Variants in EPC1 observed in about 807,000 individuals in gnomAD.
The protein encoded by EPC1 is enhancer of polycomb homolog 1.
EPC1 carries 12 observed loss-of-function variants against 98.4 expected under a neutral mutation model. The observed-to-expected ratio is 0.12, with a 90% CI of 0.08 to 0.20. The LOEUF is 0.20. Ranked by LOEUF, EPC1 falls within the 10% of genes least tolerant of loss-of-function variation. The pLI, the probability that EPC1 is intolerant of heterozygous loss-of-function variation, is 1.00. For synonymous variants in EPC1, 357 were observed against 363.9 expected (o/e 0.98, Z 0.21); for missense variants, 729 against 990.5 (o/e 0.74, Z 3.54).
chr10:32,365,729 G>T (rs1250492671), intron 1 of EPC1, among the ~76,000 whole-genome samples: 1 of 147,266 alleles, frequency 6.8e-6, no homozygotes, highest in African/African-American at 2.6e-5. Flanking sequence ...CGAGGCAGGA[G>T]AATCGCTTGA....
At chr10:32,345,294 T>G (rs1838690593) in intron 1 of EPC1, 1 of 985,340 alleles carries the variant, frequency 1.0e-6, no homozygotes, top group Admixed American at 6.1e-5. Flanking sequence ...GGCTTATCTG[T>G]AAAGTTAGAT....
intron 1 of EPC1, among the ~76,000 whole-genome samples, chr10:32,371,049 C>G (rs1839731176): frequency 6.6e-6 from 1 of 152,160 alleles, no homozygotes; most frequent in African/African-American, 2.4e-5. Flanking sequence ...ATAGAAAGGA[C>G]ATGGAATTTG....
chr10:32,347,268 G>T, upstream of EPC1: 1 of 1,079,020 alleles, frequency 9.3e-7, no homozygotes, highest in Non-Finnish European at 1.2e-6. Context: ...CACGAAGCGC[G>T]CGTCCCGCCA....
chr10:32,341,331 C>CTGTGTGTGTGTGTGTG (rs150858943), intron 1 of EPC1, among the ~76,000 whole-genome samples: 3 of 151,064 alleles, frequency 2.0e-5, no homozygotes, highest in African/African-American at 7.3e-5. Flanking sequence ...GTGTGTGTGT[C>CTGTGTGTGTGTGTGTG]TGTGTGTGTG....
chr10:32,353,713 C>A (rs778223747), intron 1 of EPC1, among the ~76,000 whole-genome samples: 2 of 152,180 alleles, frequency 1.3e-5, no homozygotes, highest in Non-Finnish European at 2.9e-5. Context: ...AAATTAATAT[C>A]TTTAAACCAT....
chr10:32,342,913 G>T (rs963871674), intron 1 of EPC1, among the ~76,000 whole-genome samples: 1 of 152,190 alleles, frequency 6.6e-6, no homozygotes, highest in African/African-American at 2.4e-5. Context: ...TTAATAAAAA[G>T]ATTTGATAGT....
At chr10:32,303,016 T>C (rs561149233) in intron 2 of EPC1, among the ~76,000 whole-genome samples, 1 of 152,110 alleles carries the variant, frequency 6.6e-6, no homozygotes, top group East Asian at 1.9e-4. Flanking sequence ...GAAAAACTCA[T>C]GTTCTGGCTG....
At chr10:32,360,135 T>C (rs1486893322) in intron 1 of EPC1, among the ~76,000 whole-genome samples, 1 of 152,238 alleles carries the variant, frequency 6.6e-6, no homozygotes, top group Non-Finnish European at 1.5e-5. Context: ...GTATCATTAG[T>C]AGTTTTGTAT....
intron 1 of EPC1, among the ~76,000 whole-genome samples, chr10:32,371,837 A>C (rs1839760154): frequency 6.6e-6 from 1 of 152,100 alleles, no homozygotes; most frequent in Non-Finnish European, 1.5e-5. Flanking sequence ...CAGGAGGCGG[A>C]GTTTGCAGTG....
At chr10:32,270,307 T>C (rs1295271211) in intron 13 of EPC1, among the ~76,000 whole-genome samples, 5 of 152,234 alleles carry the variant, frequency 3.3e-5, no homozygotes, top group Admixed American at 3.3e-4. Context: ...CACTCTTTTA[T>C]GCTTGTCTGC....
At chr10:32,376,575 A>G (rs76446874) in intron 1 of EPC1, among the ~76,000 whole-genome samples, 3 of 152,228 alleles carry the variant, frequency 2.0e-5, no homozygotes, top group East Asian at 3.9e-4. Flanking sequence ...ATGGCATAGT[A>G]TAAACAAAAT....
rs201030807 is a variant in EPC1, at chr10:32,318,704, GCTT to G, written c.154-12776_154-12774del. 4.1e-3 allele frequency among the ~76,000 whole-genome samples: 618 copies of G among 152,168 alleles called. 7 individuals are homozygous for G. The highest frequency in any genetic ancestry group is 0.014 in the African/African-American group (586 of 41,506). On this transcript the variant is annotated intron_variant, in intron 1 of 13. Transcript: ENST00000319778. Reference sequence around the variant, plus strand: ...GCCTCAATGTTTCCAGCTCCCTTTTGCTTCTTATTTCCCCATTTCCAAATCAGG... The same window carrying G: ...GCCTCAATGTTTCCAGCTCCCTTTTGCTTATTTCCCCATTTCCAAATCAGG...
At chr10:32,270,354 TC>T (rs1408788900) in intron 13 of EPC1, among the ~76,000 whole-genome samples, 1 of 152,198 alleles carries the variant, frequency 6.6e-6, no homozygotes, top group Non-Finnish European at 1.5e-5. Flanking sequence ...TTCTTTTGTT[TC>T]TCCCACAGTA....
intron 1 of EPC1, among the ~76,000 whole-genome samples, chr10:32,330,950 T>C (rs1417736330): frequency 1.3e-5 from 2 of 151,900 alleles, no homozygotes; most frequent in Non-Finnish European, 2.9e-5. Flanking sequence ...TTGTACAAAA[T>C]CACAGTGTAA....
intron 2 of EPC1, among the ~76,000 whole-genome samples, chr10:32,303,898 G>C (rs747046445): frequency 7.2e-5 from 11 of 152,226 alleles, no homozygotes; most frequent in Admixed American, 1.3e-4. Context: ...GATGAGGCTG[G>C]AGGAACTGTG....
intron 1 of EPC1, among the ~76,000 whole-genome samples, chr10:32,306,508 G>A (rs1469872409): frequency 6.6e-6 from 1 of 152,140 alleles, no homozygotes; most frequent in African/African-American, 2.4e-5. Context: ...TGCAGAGTAT[G>A]TGTAGGGGCA....
At chr10:32,320,318 G>A (rs1049013028) in intron 1 of EPC1, among the ~76,000 whole-genome samples, 2 of 152,010 alleles carry the variant, frequency 1.3e-5, no homozygotes, top group Non-Finnish European at 2.9e-5. Flanking sequence ...ACAAGTCAGT[G>A]AAAGTCTCTT....
intron 1 of EPC1, among the ~76,000 whole-genome samples, chr10:32,333,199 G>C (rs1349561654): frequency 6.6e-6 from 1 of 152,182 alleles, no homozygotes; most frequent in Non-Finnish European, 1.5e-5. Flanking sequence ...ATTTAGCCGG[G>C]CATGGTGGCG....
chr10:32,363,998 T>G lies in EPC1; in HGVS notation c.3+14493A>C, dbSNP rs186183830. Among the ~76,000 whole-genome samples, 1,061 of 129,446 alleles carry G rather than the reference T, an allele frequency of 8.2e-3. 17 individuals are homozygous for G. The highest frequency in any genetic ancestry group is 0.028 in the African/African-American group (1,013 of 36,562). 84.9% of individuals were successfully genotyped at this position (129,446 alleles called of 152,430 possible). Reference sequence around the variant, plus strand: ...TATAATAGTATCGTGTCCATCATGTTGGCATTTTTTTTTTTTTTTTTTTTT... The same window carrying G: ...TATAATAGTATCGTGTCCATCATGTGGGCATTTTTTTTTTTTTTTTTTTTT... On this transcript the variant is annotated intron_variant, in intron 1 of 13. Transcript: ENST00000375110.
Sources: gnomAD v4.1 joint callset for allele counts (sites outside exome capture counted in the v4.1 genomes callset) on GRCh38, gnomAD v4.1.1 for gene constraint, MANE v1.5 for transcripts, NCBI Gene and HGNC (gene_info 2026-07-23, HGNC 2026-07-21) for gene names.